The following HHAT variants were observed in gnomAD, a reference collection of about 807,000 sequenced individuals.
The protein encoded by HHAT is protein-cysteine N-palmitoyltransferase HHAT.
Under a neutral mutation model 70.8 loss-of-function variants are expected in HHAT, and 47 were observed. The observed-to-expected ratio is 0.66, with a 90% CI of 0.53 to 0.85. HHAT has a LOEUF of 0.85. HHAT is among the 40% of genes least tolerant of loss of function. HHAT has a pLI of 0.00. For synonymous variants in HHAT, 228 were observed against 247.6 expected (o/e 0.92, Z 0.74); for missense variants, 609 against 604.8 (o/e 1.01, Z -0.07).
intron 10 of HHAT, among the ~76,000 whole-genome samples, chr1:210,592,376 T>C (rs575033699): frequency 1.4e-4 from 22 of 152,260 alleles, no homozygotes; most frequent in African/African-American, 5.3e-4. Flanking sequence ...TTCTCTATTC[T>C]GTTCCACTGA....
intron 10 of HHAT, among the ~76,000 whole-genome samples, chr1:210,601,418 G>A (rs548085537): frequency 6.6e-6 from 1 of 152,190 alleles, no homozygotes; most frequent in African/African-American, 2.4e-5. Flanking sequence ...ATTTGGTAAT[G>A]GCTCATGGCC....
At chr1:210,387,684 G>A (rs2091186159) in intron 4 of HHAT, 103 bp downstream of exon 4, 2 of 797,500 alleles carry the variant, frequency 2.5e-6, no homozygotes, top group Admixed American at 2.5e-5. Flanking sequence ...TTAGCACTGG[G>A]AGCCTGGAAA....
chr1:210,596,211 A>G (rs1364949663), intron 10 of HHAT, among the ~76,000 whole-genome samples: 1 of 152,170 alleles, frequency 6.6e-6, no homozygotes, highest in Non-Finnish European at 1.5e-5. Flanking sequence ...TCCCAGCACC[A>G]TTTGTTAAAT....
At chr1:210,508,364 T>G (rs752073355) in intron 8 of HHAT, among the ~76,000 whole-genome samples, 5 of 152,190 alleles carry the variant, frequency 3.3e-5, no homozygotes, top group African/African-American at 4.8e-5. Flanking sequence ...GACCTCTGGT[T>G]GGGTAGACCA....
intron 4 of HHAT, among the ~76,000 whole-genome samples, chr1:210,397,611 T>G (rs902742382): frequency 6.6e-6 from 1 of 152,086 alleles, no homozygotes; most frequent in African/African-American, 2.4e-5. Context: ...TGTCAGAAGC[T>G]TAATACTGAT....
At chr1:210,656,627 ACCCTTGGTCGCCAGGGTTT>A (rs1190344398) in intron 11 of HHAT, among the ~76,000 whole-genome samples, 1 of 152,114 alleles carries the variant, frequency 6.6e-6, no homozygotes, top group East Asian at 1.9e-4. Flanking sequence ...TCAGCAGAGA[ACCCTTGGTCGCCAGGGTTT>A]CCACGTGGGT....
At chr1:210,630,416 T>G (rs925916208) in intron 11 of HHAT, among the ~76,000 whole-genome samples, 2 of 152,182 alleles carry the variant, frequency 1.3e-5, no homozygotes, top group African/African-American at 2.4e-5. Context: ...TAAAGAGATT[T>G]GGTTATAATA....
intron 4 of HHAT, among the ~76,000 whole-genome samples, chr1:210,398,937 A>G (rs540532821): frequency 1.3e-5 from 2 of 152,324 alleles, no homozygotes; most frequent in Admixed American, 6.5e-5. Context: ...TGGCTGATCT[A>G]GTCTCATATT....
At chr1:210,528,822 T>C (rs2095280906) in intron 9 of HHAT, among the ~76,000 whole-genome samples, 1 of 152,222 alleles carries the variant, frequency 6.6e-6, no homozygotes, top group African/African-American at 2.4e-5. Context: ...GGGCATACCC[T>C]GCCGTCTGTA....
chr1:210,559,206 A>G (rs745454963), intron 9 of HHAT, among the ~76,000 whole-genome samples: 24 of 152,224 alleles, frequency 1.6e-4, no homozygotes, highest in Non-Finnish European at 2.6e-4. Context: ...TATTTTTAAA[A>G]TAGTAATCTA....
At chr1:210,404,730 G>T in intron 6 of HHAT, 51 bp downstream of exon 6, 5 of 1,462,546 alleles carry the variant, frequency 3.4e-6, no homozygotes, top group Non-Finnish European at 2.8e-6. Context: ...AGCCTTTGTC[G>T]CTGTTGCTCT....
chr1:210,559,986 C>CTG (rs145855701), intron 9 of HHAT, among the ~76,000 whole-genome samples: 8,971 of 152,196 alleles, frequency 0.059, 831 homozygotes, highest in African/African-American at 0.2. Flanking sequence ...CTTTCATCCA[C>CTG]TAATCGTAGA....
chr1:210,666,907 C>T (rs1012044322), intron 11 of HHAT, among the ~76,000 whole-genome samples: 2 of 151,646 alleles, frequency 1.3e-5, no homozygotes, highest in African/African-American at 4.8e-5. Flanking sequence ...GGTGAAACCC[C>T]ATCTCTACTA....
intron 9 of HHAT, among the ~76,000 whole-genome samples, chr1:210,542,173 G>A (rs2095436935): frequency 6.6e-6 from 1 of 152,214 alleles, no homozygotes; most frequent in South Asian, 2.1e-4. Flanking sequence ...ACTATTGACA[G>A]ACGACAACCT....
intron 3 of HHAT, among the ~76,000 whole-genome samples, chr1:210,383,372 G>GA (rs948434857): frequency 4.0e-5 from 6 of 151,674 alleles, no homozygotes; most frequent in African/African-American, 1.2e-4. Flanking sequence ...GAAATAAAAA[G>GA]AAAAAAACCC....
intron 7 of HHAT, among the ~76,000 whole-genome samples, chr1:210,447,061 A>T (rs1211613489): frequency 6.6e-6 from 1 of 152,242 alleles, no homozygotes; most frequent in Non-Finnish European, 1.5e-5. Context: ...TAGGTTGTTA[A>T]AAGCAAGTAT....
intron 9 of HHAT, among the ~76,000 whole-genome samples, chr1:210,525,754 T>A (rs1160219916): frequency 1.3e-5 from 2 of 151,824 alleles, no homozygotes; most frequent in African/African-American, 4.9e-5. Context: ...TTAAAAAAAA[T>A]TAAAAAGAGC....
intron 3 of HHAT, among the ~76,000 whole-genome samples, chr1:210,367,202 T>G (rs2089083784): frequency 1.3e-5 from 2 of 152,232 alleles, no homozygotes. Flanking sequence ...ATTTGTAGAA[T>G]TTTATTTGAT....
chr1:210,380,099 CATT>C (rs1242535679), intron 3 of HHAT, among the ~76,000 whole-genome samples: 1 of 152,170 alleles, frequency 6.6e-6, no homozygotes, highest in Non-Finnish European at 1.5e-5. Flanking sequence ...TAGTTTGACT[CATT>C]GTATAATCAT....
Sources: allele counts gnomAD v4.1 joint callset (sites outside exome capture counted in the v4.1 genomes callset), GRCh38; gene constraint gnomAD v4.1.1; transcripts MANE v1.5; gene names NCBI Gene and HGNC (gene_info 2026-07-23, HGNC 2026-07-21).